Variants in FARSB observed in about 807,000 individuals in gnomAD.
The protein encoded by FARSB is phenylalanine--tRNA ligase beta subunit.
A neutral mutation model predicts 69.6 loss-of-function variants in FARSB; 40 were observed. That is an observed-to-expected ratio of 0.57 (90% CI 0.45 to 0.75). The LOEUF is 0.75. FARSB is among the 30% of genes least tolerant of loss of function. The pLI is 0.00. For missense variants in FARSB, 632 were observed against 722.9 expected (o/e 0.87, Z 1.44); for synonymous variants, 235 against 247.2 (o/e 0.95, Z 0.46).
In FARSB at chr2:222,646,347, G is replaced by A. The variant is rs1253478252; in HGVS notation, c.114+2393C>T. Among the ~76,000 whole-genome samples, 4 of 152,286 alleles carry A rather than the reference G, an allele frequency of 2.6e-5. No individual in the cohort carries two copies. The East Asian group carries it at 7.7e-4, about 29-fold the overall frequency. On this transcript the variant is annotated intron_variant, in intron 2 of 16. Coordinates refer to ENST00000281828, the MANE Select transcript of FARSB (RefSeq NM_005687.5). ...AGATAAAATCTTCTTGGGTTATGAG[G>A]TAAGTTTTGTGTTGTATTTCCATAT... is the stretch of plus-strand genomic sequence containing the variant.
intron 10 of FARSB, among the ~76,000 whole-genome samples, chr2:222,626,079 T>A (rs1231474714): frequency 6.6e-6 from 1 of 151,740 alleles, no homozygotes; most frequent in Non-Finnish European, 1.5e-5. Flanking sequence ...AAACCCCATC[T>A]CTACTAAAAA....
intron 2 of FARSB, among the ~76,000 whole-genome samples, chr2:222,643,683 C>T (rs540301326): frequency 6.6e-6 from 1 of 152,226 alleles, no homozygotes; most frequent in South Asian, 2.1e-4. Context: ...GACCATCAGA[C>T]ACTGGTAAAA....
chr2:222,611,122 G>T (rs1443235450), intron 15 of FARSB, among the ~76,000 whole-genome samples: 1 of 152,120 alleles, frequency 6.6e-6, no homozygotes, highest in East Asian at 1.9e-4. Context: ...TTTCAAGATG[G>T]TAGACTTACC....
intron 16 of FARSB, among the ~76,000 whole-genome samples, chr2:222,597,718 C>G (rs1196243499): frequency 1.3e-5 from 2 of 152,098 alleles, no homozygotes; most frequent in East Asian, 3.9e-4. Flanking sequence ...TTCCTTGGAT[C>G]CTATGAGCAC....
At position 222,601,348 on chromosome 2, in the gene FARSB, C is replaced by T. The variant is rs973226434; in HGVS notation, c.1463-1265G>A. On this transcript the variant is annotated intron_variant, in intron 15 of 16. Transcript: ENST00000281828. ...AAACAGCTCATGCCTGTAATCCCAGCGCTTTGGAAGGCCAAGGCAAGAGTT... is the reference window on the plus strand; with the variant it reads ...AAACAGCTCATGCCTGTAATCCCAGTGCTTTGGAAGGCCAAGGCAAGAGTT... 5.9e-5 allele frequency among the ~76,000 whole-genome samples: 9 copies of T among 152,014 alleles called. No individual in the cohort carries two copies. The East Asian group carries it at 7.7e-4, about 13-fold the overall frequency.
At chr2:222,621,010 C>A (rs1401966342) in intron 13 of FARSB, among the ~76,000 whole-genome samples, 2 of 152,206 alleles carry the variant, frequency 1.3e-5, no homozygotes, top group Admixed American at 6.5e-5. Context: ...GACATGCACA[C>A]TGGGGATAAG....
At chr2:222,640,488 G>C (rs545385028) in intron 4 of FARSB, among the ~76,000 whole-genome samples, 2 of 152,036 alleles carry the variant, frequency 1.3e-5, no homozygotes, top group East Asian at 3.9e-4. Context: ...GCCAGGTGTG[G>C]TGGCGTGTGT....
At chr2:222,608,433 T>G (rs935439759) in intron 15 of FARSB, among the ~76,000 whole-genome samples, 2 of 152,158 alleles carry the variant, frequency 1.3e-5, no homozygotes, top group Non-Finnish European at 2.9e-5. Flanking sequence ...TTTTCGTAAC[T>G]TATAAGACAG....
In FARSB at chr2:222,571,646, T is replaced by G; in HGVS notation, c.*225A>C. On this transcript the variant is annotated 3_prime_UTR_variant, in exon 17 of 17. Transcript: ENST00000281828. ...CATTTCTCCAGCACTCCACGGGGCT[T>G]TTACCCAACAATGCAGCTTCACACA... 1 of 443,102 alleles carries G rather than the reference T, an allele frequency of 2.3e-6. No individual in the cohort carries two copies. The allele number at this position is 443,102 out of a possible 1,614,324, so 27.4% of individuals were successfully genotyped here. A position where few individuals can be genotyped will look rare whatever the true frequency, so the allele number is the denominator to read the frequency against.
chr2:222,601,437 A>T (rs189613600), intron 15 of FARSB, among the ~76,000 whole-genome samples: 5 of 151,922 alleles, frequency 3.3e-5, no homozygotes, highest in East Asian at 1.9e-4. Context: ...ATAATAATAA[A>T]AAGATGAAAA....
At chr2:222,641,568 T>G (rs1214359387) in intron 3 of FARSB, among the ~76,000 whole-genome samples, 1 of 152,224 alleles carries the variant, frequency 6.6e-6, no homozygotes, top group African/African-American at 2.4e-5. Context: ...GCATTTCTAG[T>G]AAGTTCTCAT....
chr2:222,593,808 G>A (rs570386344), intron 16 of FARSB, among the ~76,000 whole-genome samples: 1 of 152,012 alleles, frequency 6.6e-6, no homozygotes, highest in East Asian at 1.9e-4. Context: ...GAGGTCAAGT[G>A]GTGATGGCGC....
intron 5 of FARSB, among the ~76,000 whole-genome samples, chr2:222,635,720 G>A (rs1271904432): frequency 1.3e-5 from 2 of 152,134 alleles, no homozygotes; most frequent in African/African-American, 2.4e-5. Flanking sequence ...AAAGACCTAA[G>A]CATTTTGAAA....
At chr2:222,601,111 G>T (rs1277493059) in intron 15 of FARSB, among the ~76,000 whole-genome samples, 1 of 152,118 alleles carries the variant, frequency 6.6e-6, no homozygotes, top group Non-Finnish European at 1.5e-5. Flanking sequence ...GCTGCCAGGG[G>T]TTGGAGGGAA....
At chr2:222,622,232 C>A (rs1691155291) in intron 13 of FARSB, among the ~76,000 whole-genome samples, 2 of 152,194 alleles carry the variant, frequency 1.3e-5, no homozygotes, top group Admixed American at 1.3e-4. Context: ...CTCTGTGCTC[C>A]TTCGAAGACA....
chr2:222,639,525 T>A (rs935598927), intron 5 of FARSB, 55 bp downstream of exon 5: 2 of 753,036 alleles, frequency 2.7e-6, no homozygotes, highest in African/African-American at 1.8e-5. Context: ...GGAAAGGAGA[T>A]AGGGAGACAA....
chr2:222,598,257 T>A (rs1690473604), intron 16 of FARSB, among the ~76,000 whole-genome samples: 1 of 152,248 alleles, frequency 6.6e-6, no homozygotes. Context: ...AGCACCTGTG[T>A]CCTACTTATC....
rs1468881798 is a variant in FARSB, at chr2:222,568,194, A to G, written c.*3677T>C. 2 of 152,216 alleles carry G rather than the reference A, an allele frequency of 1.3e-5. No individual in the cohort carries two copies. Among genetic ancestry groups the G allele is most frequent in the African/African-American group, 4.8e-5 (2 of 41,456 alleles). The allele number at this position is 152,216 out of a possible 1,614,324, so 9.4% of individuals were successfully genotyped here. A position where few individuals can be genotyped will look rare whatever the true frequency, so the allele number is the denominator to read the frequency against. On this transcript the variant is annotated 3_prime_UTR_variant, in exon 17 of 17. Transcript: ENST00000281828. This position sits in a 1 kb window ranked among gnomAD's most constrained non-coding sequence, Gnocchi z 4.3. ...TAGTTACTTCAGGGAATCAGGAGGA[A>G]GAAAGGTAGATTAACTCAGTAAGGC...
intron 14 of FARSB, among the ~76,000 whole-genome samples, chr2:222,616,976 AGATT>A (rs1469979388): frequency 3.7e-5 from 4 of 107,420 alleles, no homozygotes. Context: ...TTATGCAGAA[AGATT>A]GATTCTTTTT....
Sources: allele counts gnomAD v4.1 joint callset (sites outside exome capture counted in the v4.1 genomes callset), GRCh38; gene constraint gnomAD v4.1.1; non-coding constraint Gnocchi (gnomAD v3.1); transcripts MANE v1.5; gene names NCBI Gene and HGNC (gene_info 2026-07-23, HGNC 2026-07-21).